KLF12: variants seen among roughly 807,000 people sequenced by gnomAD.
KLF12 encodes KLF transcription factor 12.
In KLF12, 9 loss-of-function variants were observed where a neutral mutation model predicts 37.8. The observed-to-expected ratio is 0.24, with a 90% confidence interval of 0.14 to 0.42. The LOEUF (loss-of-function observed/expected upper bound fraction) is 0.42. Among genes scored for constraint, KLF12 ranks in the 10% least tolerant of loss-of-function variants. The pLI is 1.00. For missense variants in KLF12, 411 were observed against 516.0 expected (o/e 0.80, Z 1.97); for synonymous variants, 208 against 202.1 (o/e 1.03, Z -0.25).
chr13:73,712,374 A>AGC (rs112572451), intron 7 of KLF12, among the ~76,000 whole-genome samples: 20,785 of 147,384 alleles, frequency 0.14, 2,290 homozygotes, highest in African/African-American at 0.29. Context: ...TTAGAAGTGG[A>AGC]CTCAAGATGT....
chr13:74,066,659 T>G (rs1232968140), intron 1 of KLF12, among the ~76,000 whole-genome samples: 2 of 152,110 alleles, frequency 1.3e-5, no homozygotes, highest in Non-Finnish European at 2.9e-5. Flanking sequence ...TAAATTATAG[T>G]TTTAATTAAA....
chr13:74,304,081 T>C, the KLF12 span, among the ~76,000 whole-genome samples: 1 of 152,104 alleles, frequency 6.6e-6, no homozygotes, highest in African/African-American at 2.4e-5. Flanking sequence ...TGCTGATCCC[T>C]TTCCATCTCT....
chr13:73,728,273 T>C (rs1001237664), intron 6 of KLF12, among the ~76,000 whole-genome samples: 2 of 152,244 alleles, frequency 1.3e-5, no homozygotes, highest in Admixed American at 1.3e-4. Context: ...ACTGTTAGTA[T>C]ACAGAAATGC....
At chr13:74,274,413 T>G in the KLF12 span, among the ~76,000 whole-genome samples, 4 of 152,204 alleles carry the variant, frequency 2.6e-5, no homozygotes, top group East Asian at 1.9e-4. Context: ...TTTTATTATA[T>G]TTTGTAGTTA....
intron 1 of KLF12, among the ~76,000 whole-genome samples, chr13:74,073,086 A>C (rs1874370953): frequency 1.3e-5 from 2 of 152,126 alleles, no homozygotes; most frequent in African/African-American, 4.8e-5. Flanking sequence ...CTGCCACGTT[A>C]AGACGTGTCT....
chr13:74,303,462 G>C, the KLF12 span, among the ~76,000 whole-genome samples: 2 of 152,070 alleles, frequency 1.3e-5, no homozygotes, highest in Non-Finnish European at 2.9e-5. Flanking sequence ...CTTTCTAATA[G>C]TGACCCCAGT....
intron 1 of KLF12, among the ~76,000 whole-genome samples, chr13:74,112,401 T>TGTGTGTGTGC (rs1877034057): frequency 6.6e-6 from 1 of 151,818 alleles, no homozygotes; most frequent in African/African-American, 2.4e-5. Context: ...TGTGTGTGTG[T>TGTGTGTGTGC]GTGTGTGTGT....
chr13:74,222,834 GTATTGTTCCTTA>G, the KLF12 span, among the ~76,000 whole-genome samples: 1 of 152,132 alleles, frequency 6.6e-6, no homozygotes, highest in Admixed American at 6.5e-5. Flanking sequence ...GATCAAGTTG[GTATTGTTCCTTA>G]AAATAGTTTC....
At chr13:73,775,442 C>G (rs1880552830) in intron 5 of KLF12, among the ~76,000 whole-genome samples, 1 of 152,144 alleles carries the variant, frequency 6.6e-6, no homozygotes, top group South Asian at 2.1e-4. Flanking sequence ...CAACCTATAT[C>G]ATGGAACTGA....
chr13:73,977,864 T>C (rs1447386032), intron 2 of KLF12, among the ~76,000 whole-genome samples: 8 of 152,198 alleles, frequency 5.3e-5, no homozygotes, highest in African/African-American at 1.9e-4. Flanking sequence ...GGCAATAAAA[T>C]GGAGCAAAGA....
the KLF12 span, among the ~76,000 whole-genome samples, chr13:74,173,613 A>G: frequency 6.6e-6 from 1 of 152,142 alleles, no homozygotes; most frequent in Non-Finnish European, 1.5e-5. Flanking sequence ...TTCAGCCTGG[A>G]TCCCTGCATT....
At chr13:73,765,961 T>A (rs1323683953) in intron 5 of KLF12, among the ~76,000 whole-genome samples, 3 of 148,140 alleles carry the variant, frequency 2.0e-5, no homozygotes, top group African/African-American at 7.3e-5. Flanking sequence ...TCTCTGTAGT[T>A]GTTTAATAAG....
intron 1 of KLF12, among the ~76,000 whole-genome samples, chr13:74,129,395 A>G (rs1172342198): frequency 6.6e-6 from 1 of 152,248 alleles, no homozygotes; most frequent in Non-Finnish European, 1.5e-5. Flanking sequence ...AAGGCCATAT[A>G]TACTGAGAAG....
chr13:74,245,680 C>T, the KLF12 span, among the ~76,000 whole-genome samples: 1 of 152,044 alleles, frequency 6.6e-6, no homozygotes, highest in African/African-American at 2.4e-5. Flanking sequence ...TTATTTTATA[C>T]ATAAAATTTG....
chr13:73,964,606 T>TAA (rs71115627), intron 2 of KLF12, among the ~76,000 whole-genome samples: 2,690 of 137,366 alleles, frequency 0.02, 86 homozygotes, highest in African/African-American at 0.069. Context: ...CGTCTCTACT[T>TAA]AAAAAAAAAA....
the KLF12 span, among the ~76,000 whole-genome samples, chr13:74,270,919 G>T: frequency 6.6e-6 from 1 of 151,994 alleles, no homozygotes; most frequent in East Asian, 1.9e-4. Context: ...TTCTCTTTTT[G>T]CTTAGGTTAG....
chr13:74,100,655 ACC>A (rs1876284096), intron 1 of KLF12, among the ~76,000 whole-genome samples: 1 of 151,786 alleles, frequency 6.6e-6, no homozygotes, highest in Non-Finnish European at 1.5e-5. Context: ...AGATATAAAC[ACC>A]TCAAATATAT....
chr13:73,990,308 G>A (rs1295835908), intron 2 of KLF12, among the ~76,000 whole-genome samples: 2 of 152,056 alleles, frequency 1.3e-5, no homozygotes, highest in Admixed American at 1.3e-4. Context: ...AAATGGAACA[G>A]AATGACAAAA....
chr13:74,189,517 C>A, the KLF12 span, among the ~76,000 whole-genome samples: 1 of 152,118 alleles, frequency 6.6e-6, no homozygotes, highest in Non-Finnish European at 1.5e-5. Context: ...CATTTCTAGG[C>A]CTTGTTCCCT....
Sources: allele counts gnomAD v4.1 joint callset (sites outside exome capture counted in the v4.1 genomes callset), GRCh38; gene constraint gnomAD v4.1.1; transcripts MANE v1.5; gene names NCBI Gene and HGNC (gene_info 2026-07-23, HGNC 2026-07-21).